ZFP64: variants seen among roughly 807,000 people sequenced by gnomAD.
The protein encoded by ZFP64 is ZFP64 zinc finger protein.
Under a neutral mutation model 51.6 loss-of-function variants are expected in ZFP64, and 14 were observed. That is an observed-to-expected ratio of 0.27 (90% confidence interval 0.18 to 0.42). The LOEUF is 0.42. Ranked by LOEUF, ZFP64 falls within the 10% of genes least tolerant of loss-of-function variation. The pLI is 1.00. For missense variants in ZFP64, 754 were observed against 906.8 expected, an observed-to-expected ratio of 0.83 and a Z score of 2.16; for synonymous variants, 375 against 361.4, an observed-to-expected ratio of 1.04 and a Z score of -0.43.
rs1460689719 is a variant in ZFP64 at position 52,143,500 on chromosome 20, G to C, written c.763+16623C>G. Reference sequence around the variant, plus strand: ...GGATTATCTGCTTCTATAGAGGTTAGTGCTCTTTATTGTTGTTTTTGAGCT... The same window carrying C: ...GGATTATCTGCTTCTATAGAGGTTACTGCTCTTTATTGTTGTTTTTGAGCT... On this transcript the variant is annotated intron_variant, in intron 5 of 8. Transcript: ENST00000361387. Among the ~76,000 whole-genome samples the C allele has an allele frequency of 6.3e-5, 9 of 141,966 alleles. 2 individuals are homozygous for C. The highest frequency in any genetic ancestry group is 1.5e-4 in the Admixed American group (2 of 13,760). 93.1% of individuals were successfully genotyped at this position (141,966 alleles called of 152,430 possible).
rs75755965 is a variant in ZFP64 at position 52,180,486 on chromosome 20, G to T, written c.286+6346C>A. Among the ~76,000 whole-genome samples, 149 of 143,406 alleles carry T rather than the reference G, an allele frequency of 1.0e-3. 1 individual carries two copies. In the East Asian group the frequency reaches 0.029, roughly 28 times the overall value. The allele number at this position is 143,406 out of a possible 152,430, so 94.1% of individuals were successfully genotyped here. On this transcript the variant is annotated intron_variant, in intron 2 of 5. Transcript: ENST00000216923. ...TAGGGAGAAGGGGAAATCAGAGCTGGCTTCTAGGTGGAGGTGACTTTTAAC... is the reference window on the plus strand; with the variant it reads ...TAGGGAGAAGGGGAAATCAGAGCTGTCTTCTAGGTGGAGGTGACTTTTAAC...
At chr20:52,105,204 G>C (rs1678747085) in intron 5 of ZFP64, 1 of 1,429,280 alleles carries the variant, frequency 7.0e-7, no homozygotes, top group African/African-American at 1.5e-5. Context: ...TCGGAGTTGA[G>C]GTGCTGGGGC....
At chr20:52,089,160 GT>G (rs2078895909) in intron 7 of ZFP64, 3 of 397,236 alleles carry the variant, frequency 7.6e-6, no homozygotes. Flanking sequence ...ATCCAGCCAT[GT>G]TTCATCACTA....
rs147761551 is a variant in ZFP64, at chr20:52,118,881, G to A, written c.764-20294C>T. Among the ~76,000 whole-genome samples, 381 of 152,296 alleles carry A rather than the reference G, an allele frequency of 2.5e-3. 3 individuals are homozygous for A. The highest frequency in any genetic ancestry group is 8.6e-3 in the African/African-American group (356 of 41,552). ...AAGTAGGTTGGGTGCAGTGGCTCGC[G>A]CCTGTAATGCCAACACATTGGGAGG... is the stretch of plus-strand genomic sequence containing the variant. On this transcript the variant is annotated intron_variant, in intron 5 of 8. Coordinates refer to the ZFP64 transcript ENST00000361387.
chr20:52,112,645 TTC>T (rs1342791713), intron 5 of ZFP64, among the ~76,000 whole-genome samples: 1 of 150,964 alleles, frequency 6.6e-6, no homozygotes, highest in Non-Finnish European at 1.5e-5. Context: ...GACAGAATCT[TTC>T]TCTGTTACCC....
chr20:52,142,839 CAAAA>C (rs386393987), intron 5 of ZFP64, among the ~76,000 whole-genome samples: 1 of 55,046 alleles, frequency 1.8e-5, no homozygotes, highest in Non-Finnish European at 3.6e-5. Context: ...GACTCCATCT[CAAAA>C]AAAAAAAAAA....
At chr20:52,164,896 A>G in intron 3 of ZFP64, 139 bp from the exon 4 acceptor site, 2 of 738,942 alleles carry the variant, frequency 2.7e-6, no homozygotes, top group Non-Finnish European at 4.8e-6. Flanking sequence ...ATGTGCCTTC[A>G]TATGTGATGA....
intron 5 of ZFP64, among the ~76,000 whole-genome samples, chr20:52,143,848 C>A (rs1356142390): frequency 1.4e-5 from 2 of 142,982 alleles, no homozygotes; most frequent in Non-Finnish European, 3.1e-5. Context: ...CCATGCCTGG[C>A]CATTTTATAA....
intron 5 of ZFP64, among the ~76,000 whole-genome samples, chr20:52,119,576 A>AACACACACACACACACACATACATACAC (rs1979072850): frequency 2.3e-5 from 3 of 132,552 alleles, no homozygotes; most frequent in African/African-American, 8.8e-5. Flanking sequence ...ATACACACAC[A>AACACACACACACACACACATACATACAC]ACACACACAC....
At chr20:52,142,377 GACACACACACACACACACACAC>G (rs142317072) in intron 5 of ZFP64, among the ~76,000 whole-genome samples, 1 of 118,370 alleles carries the variant, frequency 8.4e-6, no homozygotes, top group East Asian at 2.3e-4. Context: ...CACACACACA[GACACACACACACACACACACAC>G]ACACACACAC....
chr20:52,111,122 C>T, intron 5 of ZFP64: 1 of 790,964 alleles, frequency 1.3e-6, no homozygotes, highest in Non-Finnish European at 2.2e-6. Context: ...CGGGGCACGG[C>T]GGCAGCCACA....
intron 7 of ZFP64, among the ~76,000 whole-genome samples, chr20:52,092,973 A>G (rs769083882): frequency 3.9e-5 from 6 of 152,054 alleles, no homozygotes; most frequent in Non-Finnish European, 7.4e-5. Context: ...ACTTATGGGG[A>G]GAATTATGCT....
chr20:52,116,886 ATGGTGAAAC>A (rs1199309216), intron 5 of ZFP64, among the ~76,000 whole-genome samples: 1 of 152,188 alleles, frequency 6.6e-6, no homozygotes, highest in African/African-American at 2.4e-5. Context: ...CCTGGCCAAC[ATGGTGAAAC>A]CCTGCCTCTA....
At chr20:52,090,399 A>T (rs1421072004) in intron 7 of ZFP64, among the ~76,000 whole-genome samples, 1 of 152,202 alleles carries the variant, frequency 6.6e-6, no homozygotes, top group Non-Finnish European at 1.5e-5. Flanking sequence ...AACACTGTAC[A>T]CCAGAAAAAA....
chr20:52,161,450 CTTTTTTT>C (rs11469696), intron 4 of ZFP64, among the ~76,000 whole-genome samples: 12 of 115,148 alleles, frequency 1.0e-4, no homozygotes, highest in African/African-American at 3.7e-4. Context: ...TGATTGCTTT[CTTTTTTT>C]TTTTTTTTTT....
In ZFP64 at chr20:52,094,077, C is replaced by T. The variant is rs558049897; in HGVS notation, c.976+3296G>A. On this transcript the variant is annotated intron_variant, in intron 7 of 8. Coordinates refer to the ZFP64 transcript ENST00000361387. ...CAAGAACGCCTTCATCTGGCTGTTC[C>T]GGACAGAGGCAGATCTACCAACTGG... Among the ~76,000 whole-genome samples the T allele has an allele frequency of 6.6e-5, 10 of 152,242 alleles. No individual in the cohort carries two copies. In the East Asian group the frequency reaches 9.7e-4, roughly 15 times the overall value.
intron 2 of ZFP64, among the ~76,000 whole-genome samples, chr20:52,177,360 T>C (rs185198208): frequency 6.6e-6 from 1 of 152,186 alleles, no homozygotes; most frequent in Non-Finnish European, 1.5e-5. Flanking sequence ...GTTCCACTGG[T>C]AGGCCCCTTC....
At chr20:52,186,107 T>C (rs1022267848) in intron 2 of ZFP64, among the ~76,000 whole-genome samples, 6 of 152,188 alleles carry the variant, frequency 3.9e-5, no homozygotes, top group African/African-American at 1.4e-4. Context: ...TATTAATATA[T>C]TTTTTAGAAT....
At chr20:52,167,002 A>C (rs1230383915) in intron 2 of ZFP64, among the ~76,000 whole-genome samples, 1 of 152,136 alleles carries the variant, frequency 6.6e-6, no homozygotes, top group African/African-American at 2.4e-5. Context: ...AAAAGAAAAA[A>C]AAAATAGCAA....
Sources: allele counts gnomAD v4.1 joint callset (sites outside exome capture counted in the v4.1 genomes callset), GRCh38; gene constraint gnomAD v4.1.1; transcripts MANE v1.5; gene names NCBI Gene and HGNC (gene_info 2026-07-23, HGNC 2026-07-21).